Variants in PCF11 observed in about 807,000 individuals in gnomAD.
PCF11 encodes pre-mRNA cleavage complex 2 protein Pcf11.
A neutral mutation model predicts 166.1 loss-of-function variants in PCF11; 19 were observed. The ratio of observed to expected loss-of-function variants is 0.11; its 90% CI spans 0.08 to 0.17. The LOEUF is 0.17. PCF11 is among the 10% of genes least tolerant of loss of function. PCF11 has a pLI of 1.00. For missense variants in PCF11, 1,565 were observed against 1,855.5 expected (o/e 0.84, Z 2.88); for synonymous variants, 663 against 644.1 (o/e 1.03, Z -0.44).
At chr11:83,161,494 A>G (rs542950970) in intron 2 of PCF11, 42 bp downstream of exon 2, 10 of 1,423,696 alleles carry the variant, frequency 7.0e-6, no homozygotes, top group Non-Finnish European at 9.4e-6. Context: ...TTTTTAAAAA[A>G]TGTGTTCCTG....
In PCF11 at chr11:83,165,591, G is replaced by T. The variant is rs745711979; in HGVS notation, c.703-9G>T. 30 of 1,591,940 alleles carry T rather than the reference G, an allele frequency of 1.9e-5. No homozygotes were observed. The highest frequency in any genetic ancestry group is 2.6e-5 in the Non-Finnish European group (30 of 1,170,428). On this transcript the variant is annotated splice_polypyrimidine_tract_variant and intron_variant, in intron 4 of 15. Transcript: ENST00000298281. ...CAGTGTTAACATGAACATTTATTTT[G>T]TGTTTTAGGCAGTTTCTCTTAGTGT...
chr11:83,181,909 T>C, exon 13 of PCF11: 1 of 1,612,092 alleles, frequency 6.2e-7, no homozygotes, highest in Non-Finnish European at 8.5e-7. Context: ...AAGAGCCAGT[T>C]TTTTGAAAAG....
intron 8 of PCF11, chr11:83,171,181 A>T (rs1428197866): frequency 2.5e-6 from 1 of 393,654 alleles, no homozygotes; most frequent in Admixed American, 3.1e-5. Context: ...CTCCATGACT[A>T]TTCTGTTTTT....
At chr11:83,170,064 G>A (rs1026317493) in intron 8 of PCF11, 69 bp downstream of exon 8, 19 of 1,286,056 alleles carry the variant, frequency 1.5e-5, no homozygotes, top group Admixed American at 2.8e-5. Flanking sequence ...TTCTAGGAGG[G>A]TTTTCAGGAC....
chr11:83,167,069 C>T lies in PCF11; in HGVS notation c.1818-56C>T. ...TTTGAAAAGAATCTTTAAATATGGT[C>T]CTGAGTATTTTTTAAAAAAACATTT... On this transcript the variant is annotated intron_variant, in intron 5 of 15. Coordinates refer to ENST00000298281, the Ensembl canonical transcript of PCF11. The surrounding 1 kb of genome is among the most constrained non-coding windows in gnomAD (Gnocchi z 4.2). The T allele has an allele frequency of 7.4e-7, 1 of 1,343,924 alleles. No homozygotes were observed. The highest frequency in any genetic ancestry group is 1.4e-5 in the South Asian group (1 of 73,890). 83.2% of individuals were successfully genotyped at this position (1,343,924 alleles called of 1,614,324 possible). A position where few individuals can be genotyped will look rare whatever the true frequency, so the allele number is the denominator to read the frequency against.
intron 1 of PCF11, 164 bp downstream of exon 1, chr11:83,157,795 A>AT (rs1860051747): frequency 1.6e-6 from 1 of 644,022 alleles, no homozygotes; most frequent in East Asian, 2.7e-5. Context: ...GGCTTCGAGC[A>AT]TGGGCCTCTG....
intron 1 of PCF11, 148 bp downstream of exon 1, chr11:83,157,779 G>A: frequency 2.8e-6 from 2 of 713,686 alleles, no homozygotes; most frequent in Non-Finnish European, 4.7e-6. Context: ...CTCGGTCTTT[G>A]GCCCAGGCTT....
rs2135409179 is a variant in PCF11 at position 83,157,142 on chromosome 11, C to G, written c.-298C>G. ...CCCTAGTTCATTTCGCACGACGCAG[C>G]GGTTGGGAACACAGACATTTTCGGA... On this transcript the variant is annotated 5_prime_UTR_variant, in exon 1 of 16. Coordinates refer to ENST00000298281, the Ensembl canonical transcript of PCF11. The G allele has an allele frequency of 1.1e-5, 6 of 553,298 alleles. No homozygotes were observed. The Admixed American group carries it at 1.6e-4, about 15-fold the overall frequency. The allele number at this position is 553,298 out of a possible 1,614,324, so 34.3% of individuals were successfully genotyped here.
chr11:83,178,222 G>A (rs144486995), intron 11 of PCF11, among the ~76,000 whole-genome samples: 122 of 151,940 alleles, frequency 8.0e-4, no homozygotes, highest in African/African-American at 2.9e-3. Context: ...GTTTCACCAC[G>A]TTGGCCAGGC....
exon 8 of PCF11, chr11:83,169,508 A>G: frequency 6.2e-7 from 1 of 1,613,918 alleles, no homozygotes. Flanking sequence ...TTACATGGTC[A>G]GCCAGGTCCT....
intron 9 of PCF11, among the ~76,000 whole-genome samples, chr11:83,175,453 T>A (rs1372063951): frequency 6.6e-6 from 1 of 151,112 alleles, no homozygotes; most frequent in African/African-American, 2.4e-5. Context: ...TTTTCATAGT[T>A]AAAGAATCAC....
rs1051922450 is a variant in PCF11 at position 83,157,750 on chromosome 11, C to CA, written c.192+120dup. 10 of 880,138 alleles carry CA rather than the reference C, an allele frequency of 1.1e-5. No homozygotes were observed. The African/African-American group carries it at 1.5e-4, about 13-fold the overall frequency. 54.5% of individuals were successfully genotyped at this position (880,138 alleles called of 1,614,324 possible). A position where few individuals can be genotyped will look rare whatever the true frequency, so the allele number is the denominator to read the frequency against. Reference sequence around the variant, plus strand: ...CAGTGTTCCTTCTCTCCAACCCCCCCACCCCCCTCCAACTCAGGCTCGGTC... The same window carrying CA: ...CAGTGTTCCTTCTCTCCAACCCCCCCAACCCCCCTCCAACTCAGGCTCGGTC... On this transcript the variant is annotated intron_variant, in intron 1 of 15. Coordinates refer to ENST00000298281, the Ensembl canonical transcript of PCF11.
At chr11:83,161,487 T>TA in intron 2 of PCF11, 35 bp downstream of exon 2, 1 of 1,468,232 alleles carries the variant, frequency 6.8e-7, no homozygotes, top group Non-Finnish European at 9.1e-7. Context: ...GCGTTTTTTT[T>TA]TAAAAAATGT....
At chr11:83,162,041 C>T (rs1380317832) in intron 2 of PCF11, among the ~76,000 whole-genome samples, 2 of 152,152 alleles carry the variant, frequency 1.3e-5, no homozygotes, top group South Asian at 4.1e-4. Flanking sequence ...CCTTAGTGTT[C>T]AGAAATTAGG....
intron 4 of PCF11, among the ~76,000 whole-genome samples, chr11:83,165,314 G>A (rs1226871099): frequency 2.0e-5 from 3 of 152,072 alleles, no homozygotes; most frequent in African/African-American, 7.2e-5. Context: ...GAGCAGTATG[G>A]CTCAGAATCC....
exon 8 of PCF11, chr11:83,168,685 C>T (rs1324161826): frequency 1.2e-6 from 2 of 1,613,942 alleles, no homozygotes; most frequent in Middle Eastern, 1.6e-4. Context: ...TGATGGACCT[C>T]CCACACCAGC....
At chr11:83,182,056 C>A (rs529613459) in intron 13 of PCF11, 47 bp downstream of exon 13, 161 of 1,497,244 alleles carry the variant, frequency 1.1e-4, no homozygotes, top group Non-Finnish European at 1.3e-4. Context: ...GTGTCCCTCA[C>A]TTCCTTTATG....
chr11:83,178,126 T>G (rs1860951691), intron 11 of PCF11, among the ~76,000 whole-genome samples: 1 of 152,144 alleles, frequency 6.6e-6, no homozygotes, highest in African/African-American at 2.4e-5. Context: ...CTGCAACCTC[T>G]GCCTCCCAGG....
In PCF11 at chr11:83,169,736, C is replaced by G. The variant is rs377083731; in HGVS notation, c.3401C>G (p.Pro1134Arg). Residue 1134 changes from proline to arginine, a missense_variant, in exon 8 of 16, where the codon CCA becomes CGA. Coordinates refer to ENST00000298281, the Ensembl canonical transcript of PCF11. ...TCAGTATCTTTCAATCAGACTGGTC[C>G]ATATAATGATCCACCTGGCAATGCT... 4.3e-5 allele frequency: 69 copies of G among 1,613,870 alleles called. No individual in the cohort carries two copies. The African/African-American group carries it at 8.8e-4, about 21-fold the overall frequency.
Sources: gnomAD v4.1 joint callset for allele counts (sites outside exome capture counted in the v4.1 genomes callset) on GRCh38, gnomAD v4.1.1 for gene constraint, Gnocchi (gnomAD v3.1) non-coding constraint, MANE v1.5 for transcripts, NCBI Gene and HGNC (gene_info 2026-07-23, HGNC 2026-07-21) for gene names.